Variants in ADGRL3 observed in about 807,000 individuals in gnomAD.
The protein encoded by ADGRL3 is calcium-independent alpha-latrotoxin receptor 3.
A neutral mutation model predicts 153.5 loss-of-function variants in ADGRL3; 62 were observed. The observed-to-expected ratio is 0.40, with a 90% CI of 0.33 to 0.50. ADGRL3 has a LOEUF of 0.50. ADGRL3 is among the 20% of genes least tolerant of loss of function. The pLI, the probability that ADGRL3 is intolerant of heterozygous loss-of-function variation, is 0.47. For missense variants in ADGRL3, 1,641 were observed against 1,859.4 expected, an observed-to-expected ratio of 0.88 and a Z score of 2.16; for synonymous variants, 710 against 672.5, an observed-to-expected ratio of 1.06 and a Z score of -0.86.
chr4:61,611,714 G>C (rs2091374260), intron 5 of ADGRL3, among the ~76,000 whole-genome samples: 1 of 152,134 alleles, frequency 6.6e-6, no homozygotes, highest in South Asian at 2.1e-4. Flanking sequence ...CTTGAGGCCA[G>C]ATTCAAGACC....
At chr4:61,782,878 A>G (rs1357514625) in intron 8 of ADGRL3, among the ~76,000 whole-genome samples, 1 of 152,146 alleles carries the variant, frequency 6.6e-6, no homozygotes, top group Admixed American at 6.5e-5. Context: ...TTTTAGAGCC[A>G]AAGTCTTAAT....
At chr4:61,416,084 G>C (rs2097141697) in intron 2 of ADGRL3, among the ~76,000 whole-genome samples, 1 of 151,952 alleles carries the variant, frequency 6.6e-6, no homozygotes, top group Admixed American at 6.6e-5. Context: ...ATAGAATATA[G>C]TTTTTTAAAT....
chr4:61,350,919 A>G (rs2096034003), intron 1 of ADGRL3, among the ~76,000 whole-genome samples: 1 of 152,164 alleles, frequency 6.6e-6, no homozygotes, highest in Admixed American at 6.6e-5. Context: ...TAAGTGTTGA[A>G]GTGAAAGGAA....
intron 1 of ADGRL3, among the ~76,000 whole-genome samples, chr4:61,358,491 G>A (rs1200940245): frequency 6.6e-6 from 1 of 151,874 alleles, no homozygotes; most frequent in East Asian, 1.9e-4. Context: ...CAGCTACTAG[G>A]GAGGCTGAGG....
At chr4:61,737,891 CT>C (rs1381717468) in intron 8 of ADGRL3, among the ~76,000 whole-genome samples, 4 of 150,260 alleles carry the variant, frequency 2.7e-5, no homozygotes, top group East Asian at 3.9e-4. Flanking sequence ...TTATAAGGGT[CT>C]TTTTTTTTAG....
intron 14 of ADGRL3, 27 bp from the exon 15 acceptor site, chr4:61,935,896 G>A: frequency 6.4e-7 from 1 of 1,572,990 alleles, no homozygotes; most frequent in South Asian, 1.2e-5. Context: ...TTCTCAATGA[G>A]CACTGATATC....
chr4:62,038,499 A>C (rs1200525647), intron 24 of ADGRL3, among the ~76,000 whole-genome samples: 1 of 152,166 alleles, frequency 6.6e-6, no homozygotes, highest in African/African-American at 2.4e-5. Context: ...AGATTATTAC[A>C]TAGAAATTTT....
At chr4:61,227,091 A>G (rs1488421348) in intron 1 of ADGRL3, among the ~76,000 whole-genome samples, 1 of 152,168 alleles carries the variant, frequency 6.6e-6, no homozygotes, top group African/African-American at 2.4e-5. Flanking sequence ...TGCCTAGCAC[A>G]TAATAGGACA....
At chr4:61,604,669 G>A (rs2099024992) in intron 5 of ADGRL3, among the ~76,000 whole-genome samples, 1 of 151,974 alleles carries the variant, frequency 6.6e-6, no homozygotes, top group Admixed American at 6.6e-5. Flanking sequence ...AACATTTCTT[G>A]TTTTTTAACA....
At chr4:61,304,954 C>A (rs1463042238) in intron 1 of ADGRL3, among the ~76,000 whole-genome samples, 1 of 152,040 alleles carries the variant, frequency 6.6e-6, no homozygotes, top group African/African-American at 2.4e-5. Flanking sequence ...TTAGAATATT[C>A]CTATATGTTG....
intron 2 of ADGRL3, among the ~76,000 whole-genome samples, chr4:61,391,557 C>G (rs183553861): frequency 2.6e-5 from 4 of 152,020 alleles, no homozygotes; most frequent in Admixed American, 6.6e-5. Context: ...CATGTATGTG[C>G]GTAAGTTTTC....
At chr4:61,918,321 C>A (rs2098753716) in intron 13 of ADGRL3, among the ~76,000 whole-genome samples, 1 of 152,126 alleles carries the variant, frequency 6.6e-6, no homozygotes, top group African/African-American at 2.4e-5. Flanking sequence ...TCCACTATGG[C>A]TCATGCTAAG....
At chr4:61,423,217 G>C (rs780913762) in intron 2 of ADGRL3, among the ~76,000 whole-genome samples, 2 of 152,178 alleles carry the variant, frequency 1.3e-5, no homozygotes, top group Non-Finnish European at 2.9e-5. Flanking sequence ...CAAAGAAAGG[G>C]ATGTTGAAGT....
At chr4:61,251,755 A>G (rs894043172) in intron 1 of ADGRL3, among the ~76,000 whole-genome samples, 1 of 149,110 alleles carries the variant, frequency 6.7e-6, no homozygotes, top group African/African-American at 2.5e-5. Context: ...TTAATCTTGG[A>G]TCTTCACACT....
At chr4:61,343,021 G>A (rs1183602599) in intron 1 of ADGRL3, among the ~76,000 whole-genome samples, 2 of 152,140 alleles carry the variant, frequency 1.3e-5, no homozygotes, top group Non-Finnish European at 2.9e-5. Flanking sequence ...TGAGAGCCAA[G>A]TGAAAGGGAA....
chr4:61,906,971 T>C (rs1230388938), intron 11 of ADGRL3, among the ~76,000 whole-genome samples: 3 of 152,140 alleles, frequency 2.0e-5, no homozygotes. Context: ...GCTTTCTCTT[T>C]ATGTTCCCAT....
In ADGRL3 at chr4:61,497,351, A is replaced by G; in HGVS notation, c.55+3A>G. The G allele has an allele frequency of 6.3e-7, 1 of 1,598,580 alleles. No individual in the cohort carries two copies. The highest frequency in any genetic ancestry group is 8.5e-7 in the Non-Finnish European group (1 of 1,172,770). On this transcript the variant is annotated splice_donor_region_variant and intron_variant, in intron 3 of 26. Transcript: ENST00000683033. ...GCTCTTAGCTCCAATAATTCATGGT[A>G]AGATTTTTCAGATTTTTGTGTAATG... is the stretch of plus-strand genomic sequence containing the variant.
intron 25 of ADGRL3, among the ~76,000 whole-genome samples, chr4:62,044,784 T>A (rs544848347): frequency 1.1e-4 from 17 of 152,160 alleles, no homozygotes; most frequent in African/African-American, 3.6e-4. Context: ...AAACTTTTTT[T>A]CCTAGTCATC....
At chr4:61,666,149 C>T (rs1209067105) in intron 5 of ADGRL3, among the ~76,000 whole-genome samples, 3 of 152,130 alleles carry the variant, frequency 2.0e-5, no homozygotes, top group Non-Finnish European at 4.4e-5. Context: ...TATGCAGACA[C>T]ACACATGCAC....
Sources: allele counts gnomAD v4.1 joint callset (sites outside exome capture counted in the v4.1 genomes callset), GRCh38; gene constraint gnomAD v4.1.1; transcripts MANE v1.5; gene names NCBI Gene and HGNC (gene_info 2026-07-23, HGNC 2026-07-21).